Variants in ADGRL2 observed in about 807,000 individuals in gnomAD.
ADGRL2 encodes calcium-independent alpha-latrotoxin receptor 2.
Under a neutral mutation model 157.4 loss-of-function variants are expected in ADGRL2, and 44 were observed. The ratio of observed to expected loss-of-function variants is 0.28; its 90% CI spans 0.22 to 0.36. ADGRL2 has a LOEUF of 0.36. Ranked by LOEUF, ADGRL2 falls within the 10% of genes least tolerant of loss-of-function variation. The probability of loss-of-function intolerance (pLI) is 1.00; values close to 1 mark genes in which losing one functional copy is unlikely to be tolerated. For synonymous variants in ADGRL2, 585 were observed against 624.7 expected (o/e 0.94, Z 0.95); for missense variants, 1,510 against 1,768.9 (o/e 0.85, Z 2.63).
intron 2 of ADGRL2, among the ~76,000 whole-genome samples, chr1:81,869,893 T>G (rs868508528): frequency 6.6e-6 from 1 of 152,082 alleles, no homozygotes; most frequent in East Asian, 1.9e-4. Context: ...GATCTCTTTA[T>G]GAGAATTTGT....
At position 81,943,839 on chromosome 1, in the gene ADGRL2, A is replaced by G; in HGVS notation, c.1210+70A>G. 8.0e-7 allele frequency: 1 copy of G among 1,246,564 alleles called. No homozygotes were observed. The highest frequency in any genetic ancestry group is 2.0e-4 in the Middle Eastern group (1 of 4,928). The allele number at this position is 1,246,564 out of a possible 1,614,324, so 77.2% of individuals were successfully genotyped here. The stretch of plus-strand genomic sequence containing the variant: ...CATTTTTCTTTTTAAAGACTTCTTA[A>G]TTTTTTTTTCCTATTTTCTTCCCCT... On this transcript the variant is annotated intron_variant, in intron 6 of 23. Transcript: ENST00000686636. This position sits in a 1 kb window ranked among gnomAD's most constrained non-coding sequence, Gnocchi z 5.6.
intron 3 of ADGRL2, among the ~76,000 whole-genome samples, chr1:81,633,739 C>T (rs1392161658): frequency 6.6e-6 from 1 of 152,056 alleles, no homozygotes; most frequent in Non-Finnish European, 1.5e-5. Flanking sequence ...CTCTCATCCT[C>T]ATCTAATCCA....
At chr1:81,979,842 G>A (rs369313574) in intron 17 of ADGRL2, 27 bp from the exon 18 acceptor site, 5 of 1,259,578 alleles carry the variant, frequency 4.0e-6, no homozygotes, top group Non-Finnish European at 4.6e-6. Flanking sequence ...TGTTCATTGT[G>A]GTCTAATTCT....
At chr1:81,987,164 G>A (rs775832419) in intron 22 of ADGRL2, 135 bp downstream of exon 22, 25 of 1,318,278 alleles carry the variant, frequency 1.9e-5, no homozygotes, top group East Asian at 7.5e-5. Flanking sequence ...AAAAAATTAC[G>A]GTATTGTCTA....
chr1:81,535,930 A>G (rs17106656), intron 2 of ADGRL2, among the ~76,000 whole-genome samples: 1 of 152,210 alleles, frequency 6.6e-6, no homozygotes, highest in Admixed American at 6.5e-5. Context: ...TTCTAAATGT[A>G]CTTCCAGACA....
chr1:81,679,553 C>A (rs944821029), intron 3 of ADGRL2, among the ~76,000 whole-genome samples: 4 of 152,144 alleles, frequency 2.6e-5, no homozygotes, highest in Non-Finnish European at 5.9e-5. Flanking sequence ...GCCAGGAAGC[C>A]TATACCTGGT....
chr1:81,837,141 T>A (rs2092323333), intron 2 of ADGRL2, 84 bp downstream of exon 2: 1 of 637,316 alleles, frequency 1.6e-6, no homozygotes, highest in Admixed American at 3.4e-5. Flanking sequence ...GCCTAGAATA[T>A]TTGTTTATTA....
chr1:81,550,083 T>A, intron 2 of ADGRL2, among the ~76,000 whole-genome samples: 1 of 152,158 alleles, frequency 6.6e-6, no homozygotes, highest in East Asian at 1.9e-4. Flanking sequence ...GCCATATTGA[T>A]TATTGGCAGA....
chr1:81,329,696 C>T (rs538925176), intron 1 of ADGRL2, among the ~76,000 whole-genome samples: 7 of 152,226 alleles, frequency 4.6e-5, no homozygotes, highest in Non-Finnish European at 1.0e-4. Context: ...CCCAAACCAC[C>T]AACTGTTTTT....
At chr1:81,803,070 A>T (rs1342345401) in intron 1 of ADGRL2, among the ~76,000 whole-genome samples, 3 of 152,030 alleles carry the variant, frequency 2.0e-5, no homozygotes, top group African/African-American at 7.2e-5. Context: ...CTGCGGGAGA[A>T]GTTACGGAGT....
chr1:81,769,617 G>C (rs536478113), intron 2 of ADGRL2, among the ~76,000 whole-genome samples: 7 of 151,472 alleles, frequency 4.6e-5, no homozygotes, highest in African/African-American at 1.7e-4. Flanking sequence ...TATCTAATAA[G>C]TTCTCTCTTG....
intron 1 of ADGRL2, among the ~76,000 whole-genome samples, chr1:81,806,409 A>T (rs2089158823): frequency 6.6e-6 from 1 of 152,004 alleles, no homozygotes; most frequent in Non-Finnish European, 1.5e-5. Flanking sequence ...CTTTTTTGAA[A>T]TGAGCTAGAA....
At chr1:81,634,558 G>T (rs2082079643) in intron 3 of ADGRL2, among the ~76,000 whole-genome samples, 3 of 148,300 alleles carry the variant, frequency 2.0e-5, no homozygotes, top group Admixed American at 6.7e-5. Flanking sequence ...TTTTTGAGAT[G>T]GAGTCTCGCT....
intron 2 of ADGRL2, among the ~76,000 whole-genome samples, chr1:81,531,661 C>T (rs768261879): frequency 2.0e-5 from 3 of 151,844 alleles, no homozygotes; most frequent in East Asian, 1.9e-4. Flanking sequence ...TAAGTTAGAT[C>T]GGGGGAAAAA....
intron 1 of ADGRL2, among the ~76,000 whole-genome samples, chr1:81,368,928 T>C (rs918044995): frequency 3.3e-5 from 5 of 152,180 alleles, no homozygotes; most frequent in African/African-American, 1.2e-4. Flanking sequence ...ATCTCCTCTA[T>C]AACCATAAAA....
At chr1:81,985,469 G>A in intron 21 of ADGRL2, 114 bp downstream of exon 21, 2 of 537,020 alleles carry the variant, frequency 3.7e-6, no homozygotes, top group Non-Finnish European at 3.3e-6. Flanking sequence ...ACAGGATGCG[G>A]CTCGAAGGTA....
At chr1:81,335,894 A>G (rs1661608585) in intron 1 of ADGRL2, among the ~76,000 whole-genome samples, 1 of 152,162 alleles carries the variant, frequency 6.6e-6, no homozygotes, top group Admixed American at 6.5e-5. Flanking sequence ...TCCTTCATGG[A>G]GTTTACCAAC....
At chr1:81,541,131 T>C (rs554164673) in intron 2 of ADGRL2, among the ~76,000 whole-genome samples, 1 of 152,316 alleles carries the variant, frequency 6.6e-6, no homozygotes, top group South Asian at 2.1e-4. Flanking sequence ...TCAATAATCT[T>C]ACAAGAACTT....
chr1:81,635,060 G>A (rs2082089739), intron 3 of ADGRL2, among the ~76,000 whole-genome samples: 1 of 152,200 alleles, frequency 6.6e-6, no homozygotes, highest in Non-Finnish European at 1.5e-5. Flanking sequence ...TAGGGGAGAA[G>A]GCAGATACAT....
Sources: gnomAD v4.1 joint callset for allele counts (sites outside exome capture counted in the v4.1 genomes callset) on GRCh38, gnomAD v4.1.1 for gene constraint, Gnocchi (gnomAD v3.1) non-coding constraint, MANE v1.5 for transcripts, NCBI Gene and HGNC (gene_info 2026-07-23, HGNC 2026-07-21) for gene names.